The following PCDHA9 variants were observed in gnomAD, a reference collection of about 807,000 sequenced individuals.
PCDHA9 encodes protocadherin alpha-9.
Under a neutral mutation model 62.0 loss-of-function variants are expected in PCDHA9, and 62 were observed. That is an observed-to-expected ratio of 1.00 (90% CI 0.81 to 1.23). The LOEUF is 1.23. PCDHA9 is among the 50% of genes most tolerant of loss of function. The pLI, the probability that PCDHA9 is intolerant of heterozygous loss-of-function variation, is 0.00. For synonymous variants in PCDHA9, 557 were observed against 567.6 expected, an observed-to-expected ratio of 0.98 and a Z score of 0.27; for missense variants, 1,205 against 1,249.8, an observed-to-expected ratio of 0.96 and a Z score of 0.54.
At chr5:140,931,977 T>G (rs1207911799) in intron 1 of PCDHA9, among the ~76,000 whole-genome samples, 2 of 151,978 alleles carry the variant, frequency 1.3e-5, no homozygotes, top group Non-Finnish European at 2.9e-5. Flanking sequence ...TATGTGTTTA[T>G]ATTTTGCTCA....
chr5:140,982,706 T>C, intron 3 of PCDHA9, 143 bp downstream of exon 3: 1 of 1,375,170 alleles, frequency 7.3e-7, no homozygotes, highest in Admixed American at 2.9e-5. Flanking sequence ...ATGATTTCCT[T>C]ACATATATGA....
At chr5:140,960,762 A>G (rs1164322988) in intron 1 of PCDHA9, among the ~76,000 whole-genome samples, 5 of 152,214 alleles carry the variant, frequency 3.3e-5, no homozygotes, top group Non-Finnish European at 7.3e-5. Flanking sequence ...CCCAAGAGTT[A>G]CAGAGGAGAA....
intron 1 of PCDHA9, chr5:140,859,483 G>C (rs1554152411): frequency 9.7e-6 from 2 of 206,816 alleles, no homozygotes; most frequent in African/African-American, 4.7e-5. Flanking sequence ...GTGTTTTCCT[G>C]AAATTGGTTG....
chr5:140,928,602 G>A (rs927910920), intron 1 of PCDHA9: 26 of 1,614,058 alleles, frequency 1.6e-5, no homozygotes, highest in Non-Finnish European at 2.2e-5. Context: ...TGGAAATTGT[G>A]CCCCGCTCTG....
rs2150484404 is a variant in PCDHA9, at chr5:140,850,437, C to T, written c.1942C>T (p.Leu648=). 6.3e-6 allele frequency: 10 copies of T among 1,597,794 alleles called. 1 individual carries two copies. Among genetic ancestry groups the T allele is most frequent in the African/African-American group, 1.3e-5 (1 of 74,284 alleles). ...AACGGACGCACCGCGCCAGCGCCTA[C>T]TGGTGCTGGTGAAAGACCACGGGGA... ...DETDAPRQRL[L]VLVKDHGEPA... The change falls in exon 1 of 4, where the codon CTG becomes TTG. Residue 648 remains leucine, a synonymous_variant. Transcript: ENST00000532602.
intron 3 of PCDHA9, among the ~76,000 whole-genome samples, chr5:140,992,437 T>G (rs1554252912): frequency 6.6e-6 from 1 of 151,938 alleles, no homozygotes; most frequent in African/African-American, 2.4e-5. Context: ...GTTCCAAGAG[T>G]TGGGAGCAGG....
At chr5:140,863,029 G>C (rs782621997) in intron 1 of PCDHA9, 1 of 556,606 alleles carries the variant, frequency 1.8e-6, no homozygotes, top group Non-Finnish European at 3.5e-6. Context: ...TGTCGCAACA[G>C]CTGCATCTGT....
chr5:141,007,494 G>A (rs538537497), intron 3 of PCDHA9, among the ~76,000 whole-genome samples: 20 of 152,150 alleles, frequency 1.3e-4, no homozygotes, highest in African/African-American at 4.8e-4. Flanking sequence ...CTTGGACCTA[G>A]GAGGCAGAGA....
At chr5:140,876,935 C>G in intron 1 of PCDHA9, 1 of 1,613,746 alleles carries the variant, frequency 6.2e-7, no homozygotes, top group Non-Finnish European at 8.5e-7. Flanking sequence ...CAGAAGAACG[C>G]GCTGGTGTCC....
At chr5:140,987,334 C>A (rs925665306) in intron 3 of PCDHA9, among the ~76,000 whole-genome samples, 1 of 152,086 alleles carries the variant, frequency 6.6e-6, no homozygotes, top group East Asian at 1.9e-4. Flanking sequence ...AAGAACTGGT[C>A]TAAGGTAAAT....
chr5:140,883,207 G>T (rs781883209), intron 1 of PCDHA9: 12 of 1,613,794 alleles, frequency 7.4e-6, no homozygotes, highest in East Asian at 2.2e-5. Context: ...TCGAAGAAAA[G>T]AAATTATATG....
intron 1 of PCDHA9, chr5:140,863,164 G>C (rs781940637): frequency 1.7e-5 from 11 of 661,132 alleles, no homozygotes; most frequent in Non-Finnish European, 3.0e-5. Context: ...CTGCGAGCTG[G>C]CGCTGACTGC....
At chr5:140,986,005 C>G (rs912493095) in intron 3 of PCDHA9, among the ~76,000 whole-genome samples, 1 of 152,040 alleles carries the variant, frequency 6.6e-6, no homozygotes, top group African/African-American at 2.4e-5. Flanking sequence ...TCCCAAAGTG[C>G]TGGGATTACA....
In PCDHA9 at chr5:140,870,216, C is replaced by G. The variant is rs1554163914; in HGVS notation, c.2394+19327C>G. On this transcript the variant is annotated intron_variant, in intron 1 of 3. Transcript: ENST00000532602. Reference sequence around the variant, plus strand: ...AGCCCAGCACGGTCATTGCCCTGATCAGCGTGTCTGACCGTGACTCAGGTG... The same window carrying G: ...AGCCCAGCACGGTCATTGCCCTGATGAGCGTGTCTGACCGTGACTCAGGTG... 3 of 1,614,070 alleles carry G rather than the reference C, an allele frequency of 1.9e-6. No homozygotes were observed. Among genetic ancestry groups the G allele is most frequent in the Admixed American group, 3.3e-5 (2 of 60,012 alleles).
intron 1 of PCDHA9, among the ~76,000 whole-genome samples, chr5:140,873,979 T>C (rs1210499789): frequency 6.6e-6 from 1 of 152,156 alleles, no homozygotes; most frequent in Non-Finnish European, 1.5e-5. Context: ...AAAATTAAAG[T>C]TCCTTAGCAT....
intron 1 of PCDHA9, among the ~76,000 whole-genome samples, chr5:140,964,472 T>C (rs1160731930): frequency 6.6e-6 from 1 of 152,074 alleles, no homozygotes; most frequent in Non-Finnish European, 1.5e-5. Context: ...GTGCCTATGA[T>C]TTTTTCACAG....
intron 3 of PCDHA9, among the ~76,000 whole-genome samples, chr5:141,008,578 C>T (rs1185736158): frequency 6.6e-6 from 1 of 152,202 alleles, no homozygotes; most frequent in Non-Finnish European, 1.5e-5. Context: ...TTTCCCAAGA[C>T]TCAGGGCAGA....
rs892987704 is a variant in PCDHA9, at chr5:140,988,405, C to A, written c.2542+5842C>A. Among the ~76,000 whole-genome samples, 31 of 152,248 alleles carry A rather than the reference C, an allele frequency of 2.0e-4. No individual in the cohort carries two copies. In the East Asian group the frequency reaches 5.6e-3, roughly 28 times the overall value. The stretch of plus-strand genomic sequence containing the variant: ...ATTGTGTTTGCCAGAGTTCTCTTCG[C>A]AGCTTATGTAAAGAATTTGTTTGTT... On this transcript the variant is annotated intron_variant, in intron 3 of 3. Transcript: ENST00000532602.
Position 140,857,175 on chromosome 5 carries a change from A to C in PCDHA9, c.2394+6286A>C, listed in dbSNP as rs149086377. On this transcript the variant is annotated intron_variant, in intron 1 of 3. Transcript: ENST00000532602. ...ATTGCCCTAATCAGCGTTTCTGACC[A>C]TGATTCAGGAGCCAACGGACAGGTC... The C allele has an allele frequency of 2.5e-6, 4 of 1,598,338 alleles. No homozygotes were observed. The South Asian group carries it at 3.3e-5, about 13-fold the overall frequency.
Sources: gnomAD v4.1 joint callset for allele counts (sites outside exome capture counted in the v4.1 genomes callset) on GRCh38, gnomAD v4.1.1 for gene constraint, MANE v1.5 for transcripts, NCBI Gene and HGNC (gene_info 2026-07-23, HGNC 2026-07-21) for gene names.